Variants in FER1L6 observed in about 807,000 individuals in gnomAD.
FER1L6 encodes fer-1 like family member 6.
A neutral mutation model predicts 219.2 loss-of-function variants in FER1L6; 177 were observed. The ratio of observed to expected loss-of-function variants is 0.81; its 90% confidence interval spans 0.71 to 0.91. FER1L6 has a LOEUF of 0.91. FER1L6 is among the 40% of genes least tolerant of loss of function. The pLI, the probability that FER1L6 is intolerant of heterozygous loss-of-function variation, is 0.00. For synonymous variants in FER1L6, 768 were observed against 824.3 expected (o/e 0.93, Z 1.17); for missense variants, 2,153 against 2,259.9 (o/e 0.95, Z 0.96).
chr8:123,959,393 G>A (rs940526236), intron 2 of FER1L6, among the ~76,000 whole-genome samples: 3 of 152,240 alleles, frequency 2.0e-5, no homozygotes, highest in African/African-American at 4.8e-5. Flanking sequence ...GGCCCTTGCA[G>A]TCAAGGAGGG....
chr8:123,956,663 T>C (rs78810189), intron 2 of FER1L6, among the ~76,000 whole-genome samples: 1,929 of 152,298 alleles, frequency 0.013, 81 homozygotes, highest in Admixed American at 0.08. Flanking sequence ...AGTTGTTAAG[T>C]TATTAAAAGT....
intron 1 of FER1L6, among the ~76,000 whole-genome samples, chr8:123,855,361 TG>T (rs934738696): frequency 1.3e-5 from 2 of 152,176 alleles, no homozygotes; most frequent in Admixed American, 6.5e-5. Context: ...TTTGATTTTT[TG>T]CTGTGTCCTC....
intron 1 of FER1L6, among the ~76,000 whole-genome samples, chr8:123,948,705 C>G (rs959310419): frequency 1.3e-5 from 2 of 151,670 alleles, no homozygotes; most frequent in Non-Finnish European, 2.9e-5. Context: ...AGTAATTAAA[C>G]TAGACAGACA....
chr8:123,905,922 C>T (rs1213606802), intron 1 of FER1L6, among the ~76,000 whole-genome samples: 2 of 152,104 alleles, frequency 1.3e-5, no homozygotes, highest in African/African-American at 4.8e-5. Context: ...TTACATAAAG[C>T]AATACGGGGT....
intron 12 of FER1L6, among the ~76,000 whole-genome samples, chr8:123,987,587 A>G (rs1260587204): frequency 6.6e-6 from 1 of 152,164 alleles, no homozygotes; most frequent in Non-Finnish European, 1.5e-5. Flanking sequence ...TTACTCAAGA[A>G]ATCTTTGCCC....
intron 1 of FER1L6, among the ~76,000 whole-genome samples, chr8:123,952,655 G>A (rs1053775070): frequency 3.9e-5 from 6 of 152,186 alleles, no homozygotes; most frequent in South Asian, 2.1e-4. Flanking sequence ...TACCAGGTAA[G>A]TCTTCCTGAT....
At chr8:123,974,550 G>C (rs1815963589) in intron 7 of FER1L6, among the ~76,000 whole-genome samples, 1 of 150,982 alleles carries the variant, frequency 6.6e-6, no homozygotes, top group Non-Finnish European at 1.5e-5. Flanking sequence ...GCAGGAGAAT[G>C]GCTTGAACAA....
intron 1 of FER1L6, among the ~76,000 whole-genome samples, chr8:123,937,439 A>G (rs549063092): frequency 5.9e-5 from 9 of 152,348 alleles, no homozygotes; most frequent in African/African-American, 1.9e-4. Flanking sequence ...GTGAGGTCAC[A>G]TAGTACGAGA....
At chr8:123,865,710 A>G (rs1379649638) in intron 1 of FER1L6, among the ~76,000 whole-genome samples, 4 of 151,240 alleles carry the variant, frequency 2.6e-5, no homozygotes, top group Non-Finnish European at 5.9e-5. Context: ...CCGGTCTGAA[A>G]AGCGCAATAT....
At chr8:124,029,940 T>C (rs1818883063) in intron 18 of FER1L6, among the ~76,000 whole-genome samples, 1 of 152,230 alleles carries the variant, frequency 6.6e-6, no homozygotes, top group Non-Finnish European at 1.5e-5. Context: ...TTAATTTTTG[T>C]ATAAGGTTTA....
At chr8:123,875,458 G>T (rs1017095770) in intron 1 of FER1L6, among the ~76,000 whole-genome samples, 1 of 152,068 alleles carries the variant, frequency 6.6e-6, no homozygotes, top group Non-Finnish European at 1.5e-5. Flanking sequence ...CTTAAGCCTT[G>T]CTCCTCCTCC....
At chr8:123,887,063 T>C (rs1344280023) in intron 1 of FER1L6, among the ~76,000 whole-genome samples, 1 of 152,122 alleles carries the variant, frequency 6.6e-6, no homozygotes, top group Non-Finnish European at 1.5e-5. Flanking sequence ...ATCCATACAA[T>C]GAGACACCAG....
Position 124,091,621 on chromosome 8 carries a change from C to T in FER1L6, c.4552+38C>T, listed in dbSNP as rs767913272. 21 of 1,594,142 alleles carry T rather than the reference C, an allele frequency of 1.3e-5. No individual in the cohort carries two copies. The Admixed American group carries it at 3.5e-4, about 26-fold the overall frequency. The stretch of plus-strand genomic sequence containing the variant: ...AAAATATCCTGCTGGTGTTGCTCTT[C>T]TTTTGAAAATCCTGATTCTAGTGAT... On this transcript the variant is annotated intron_variant, in intron 34 of 40. Coordinates refer to ENST00000522917, the MANE Select transcript of FER1L6 (RefSeq NM_001039112.2).
intron 1 of FER1L6, among the ~76,000 whole-genome samples, chr8:123,891,558 T>C (rs1812648329): frequency 6.6e-6 from 1 of 152,208 alleles, no homozygotes; most frequent in African/African-American, 2.4e-5. Flanking sequence ...TAACCTACTT[T>C]AATACAGTGT....
intron 13 of FER1L6, among the ~76,000 whole-genome samples, chr8:124,006,274 G>A (rs1817651477): frequency 6.6e-6 from 1 of 152,212 alleles, no homozygotes; most frequent in African/African-American, 2.4e-5. Context: ...GGGTTTAGGA[G>A]GAGATGAGAG....
At chr8:123,879,136 C>A (rs1468348156) in intron 1 of FER1L6, among the ~76,000 whole-genome samples, 2 of 152,144 alleles carry the variant, frequency 1.3e-5, no homozygotes, top group African/African-American at 4.8e-5. Flanking sequence ...CATCTCTACA[C>A]AAATTTAAAA....
rs774591590 is a variant in FER1L6 at position 123,975,936 on chromosome 8, C to T, written c.722C>T (p.Pro241Leu). The change falls in exon 9 of 41, where the codon CCG becomes CTG. Residue 241 changes from proline (P) to leucine (L), a missense_variant. Coordinates refer to ENST00000522917, the MANE Select transcript of FER1L6 (RefSeq NM_001039112.2). ...CCCAATGGGTTTCCACTGGAGAGACCGTGGGCCAGATTCTATGTGAGACTC... is the reference window on the plus strand; with the variant it reads ...CCCAATGGGTTTCCACTGGAGAGACTGTGGGCCAGATTCTATGTGAGACTC... ...LIPNGFPLER[P>L]WARFYVRLYK... The T allele has an allele frequency of 2.5e-6, 4 of 1,613,062 alleles. No homozygotes were observed. Among genetic ancestry groups the T allele is most frequent in the East Asian group, 2.2e-5 (1 of 44,846 alleles).
chr8:123,887,352 A>G (rs1405496252), intron 1 of FER1L6, among the ~76,000 whole-genome samples: 2 of 152,080 alleles, frequency 1.3e-5, no homozygotes, highest in African/African-American at 4.8e-5. Context: ...TTGGGAACCG[A>G]TTTGGTTCCC....
At position 124,082,435 on chromosome 8, in the gene FER1L6, T is replaced by C; in HGVS notation, c.4368T>C (p.Cys1456=). ...NRFYSKHRAI[C]GLQSQYEIEG... The stretch of plus-strand genomic sequence containing the variant: ...TCTACAGCAAACACCGAGCCATCTG[T>C]GGCTTGCAGAGCCAGTATGAGATGT... Residue 1456 remains cysteine, a synonymous_variant, in exon 33 of 41, where the codon TGT becomes TGC. Transcript: ENST00000522917. The C allele has an allele frequency of 6.2e-7, 1 of 1,613,940 alleles. No homozygotes were observed. Among genetic ancestry groups the C allele is most frequent in the South Asian group, 1.1e-5 (1 of 91,026 alleles).
Sources: gnomAD v4.1 joint callset for allele counts (sites outside exome capture counted in the v4.1 genomes callset) on GRCh38, gnomAD v4.1.1 for gene constraint, MANE v1.5 for transcripts, NCBI Gene and HGNC (gene_info 2026-07-23, HGNC 2026-07-21) for gene names.